Variants in RASAL2 observed in about 807,000 individuals in gnomAD.
RASAL2 encodes the protein RAS protein activator like 2.
RASAL2 carries 58 observed loss-of-function variants against 128.9 expected under a neutral mutation model. The ratio of observed to expected loss-of-function variants is 0.45; its 90% CI spans 0.36 to 0.56. RASAL2 has a LOEUF of 0.56. Among genes scored for constraint, RASAL2 ranks in the 20% least tolerant of loss-of-function variants. The pLI, the probability that RASAL2 is intolerant of heterozygous loss-of-function variation, is 0.00. For synonymous variants in RASAL2, 561 were observed against 580.8 expected (o/e 0.97, Z 0.49); for missense variants, 1,360 against 1,601.6 (o/e 0.85, Z 2.57).
intron 1 of RASAL2, among the ~76,000 whole-genome samples, chr1:178,185,910 A>G: frequency 6.6e-6 from 1 of 152,234 alleles, no homozygotes; most frequent in South Asian, 2.1e-4. Context: ...AGATTGAATT[A>G]GGAGTGTTCC....
intron 3 of RASAL2, among the ~76,000 whole-genome samples, chr1:178,312,238 C>T (rs1424036248): frequency 6.6e-6 from 1 of 152,082 alleles, no homozygotes; most frequent in Non-Finnish European, 1.5e-5. Flanking sequence ...CATGACAAGT[C>T]ACATTTCATG....
chr1:178,414,149 A>G (rs1181717120), intron 4 of RASAL2, among the ~76,000 whole-genome samples: 2 of 152,222 alleles, frequency 1.3e-5, no homozygotes, highest in African/African-American at 4.8e-5. Flanking sequence ...AAAATATCCT[A>G]AATTGAAAAG....
In RASAL2 at chr1:178,463,314, T is replaced by C. The variant is rs932524506; in HGVS notation, c.3253-964T>C. 2.6e-5 allele frequency among the ~76,000 whole-genome samples: 4 copies of C among 152,230 alleles called. No individual in the cohort carries two copies. The South Asian group carries it at 6.2e-4, about 24-fold the overall frequency. On this transcript the variant is annotated intron_variant, in intron 14 of 17. Coordinates refer to ENST00000367649, the MANE Select transcript of RASAL2 (RefSeq NM_170692.4). ...AAAATTGTGTGTTTCCATCATTGTT[T>C]GTGGAGAAAGCACTAATGTTCAATA...
chr1:178,322,982 A>T (rs1446368613), intron 3 of RASAL2, among the ~76,000 whole-genome samples: 1 of 152,220 alleles, frequency 6.6e-6, no homozygotes, highest in Non-Finnish European at 1.5e-5. Context: ...ATAAACCTGG[A>T]ATATCTTGCT....
chr1:178,238,524 A>G (rs1239573189), intron 1 of RASAL2, among the ~76,000 whole-genome samples: 1 of 152,066 alleles, frequency 6.6e-6, no homozygotes, highest in African/African-American at 2.4e-5. Flanking sequence ...TGTTATCTGA[A>G]CATGTAATGG....
chr1:178,417,166 T>C (rs1449310268), intron 4 of RASAL2, among the ~76,000 whole-genome samples: 1 of 152,154 alleles, frequency 6.6e-6, no homozygotes, highest in East Asian at 1.9e-4. Flanking sequence ...TCCTGTAGTC[T>C]TTGGATATTC....
intron 1 of RASAL2, among the ~76,000 whole-genome samples, chr1:178,101,766 C>T (rs1658908815): frequency 6.6e-6 from 1 of 152,176 alleles, no homozygotes; most frequent in Non-Finnish European, 1.5e-5. Flanking sequence ...AACTCTTAAC[C>T]TCAGATTCCT....
intron 1 of RASAL2, among the ~76,000 whole-genome samples, chr1:178,175,515 TTTAC>T (rs1661856303): frequency 6.6e-6 from 1 of 151,770 alleles, no homozygotes; most frequent in Non-Finnish European, 1.5e-5. Context: ...ACTTATTTAA[TTTAC>T]TTAATTTACT....
intron 4 of RASAL2, among the ~76,000 whole-genome samples, chr1:178,390,477 T>G (rs750603457): frequency 6.6e-6 from 1 of 152,086 alleles, no homozygotes; most frequent in Non-Finnish European, 1.5e-5. Flanking sequence ...CTCCCGAGTT[T>G]AGGCGATTCT....
At chr1:178,257,690 C>T (rs192860392) in intron 1 of RASAL2, among the ~76,000 whole-genome samples, 93 of 151,720 alleles carry the variant, frequency 6.1e-4, no homozygotes, top group Non-Finnish European at 1.1e-3. Flanking sequence ...ACCAAAAATA[C>T]AAAAAATTAG....
At chr1:178,272,156 C>G (rs2102175792) in intron 1 of RASAL2, among the ~76,000 whole-genome samples, 1 of 152,242 alleles carries the variant, frequency 6.6e-6, no homozygotes, top group Middle Eastern at 3.4e-3. Context: ...TTCCACAAGT[C>G]CAGTCACTAG....
intron 1 of RASAL2, among the ~76,000 whole-genome samples, chr1:178,159,487 A>G (rs1052514692): frequency 9.2e-5 from 14 of 152,216 alleles, no homozygotes; most frequent in Non-Finnish European, 1.8e-4. Flanking sequence ...AGAAAATAAA[A>G]TAAAACAAAA....
intron 1 of RASAL2, among the ~76,000 whole-genome samples, chr1:178,096,666 TGTGACACACA>T (rs2102209569): frequency 6.6e-6 from 1 of 152,134 alleles, no homozygotes; most frequent in Non-Finnish European, 1.5e-5. Context: ...TGTATATGTG[TGTGACACACA>T]CATATACATA....
In RASAL2 at chr1:178,341,605, C is replaced by T. The variant is rs940230106; in HGVS notation, c.457+41487C>T. The T allele has an allele frequency of 7.4e-6, 12 of 1,613,752 alleles. No individual in the cohort carries two copies. The East Asian group carries it at 2.7e-4, about 36-fold the overall frequency. ...CCAGAAACTTCACACGATGCAGACC[C>T]CAGGTAAGAGTTTGTAGAGTCTGAG... On this transcript the variant is annotated intron_variant, in intron 3 of 17. Transcript: ENST00000367649.
intron 3 of RASAL2, among the ~76,000 whole-genome samples, chr1:178,381,338 C>T (rs920510514): frequency 6.6e-6 from 1 of 152,028 alleles, no homozygotes; most frequent in Non-Finnish European, 1.5e-5. Context: ...ATAAAAAGCC[C>T]TAGATTAGGA....
intron 1 of RASAL2, among the ~76,000 whole-genome samples, chr1:178,130,910 C>G (rs316264): frequency 0.68 from 103,865 of 151,670 alleles, 37,888 homozygotes; most frequent in East Asian, 0.81. Flanking sequence ...AAAAATTAGC[C>G]GGGCGCGGTG....
intron 1 of RASAL2, among the ~76,000 whole-genome samples, chr1:178,127,290 T>A (rs1033141576): frequency 1.3e-5 from 2 of 152,184 alleles, no homozygotes; most frequent in Non-Finnish European, 2.9e-5. Flanking sequence ...CGAATTATTC[T>A]TGAGTTTTAG....
At chr1:178,111,334 C>G (rs1659315469) in intron 1 of RASAL2, among the ~76,000 whole-genome samples, 1 of 152,190 alleles carries the variant, frequency 6.6e-6, no homozygotes. Flanking sequence ...ATCTCAAACT[C>G]CTGGGCTCAA....
At chr1:178,426,337 T>C (rs994489107) in intron 5 of RASAL2, among the ~76,000 whole-genome samples, 1 of 152,096 alleles carries the variant, frequency 6.6e-6, no homozygotes, top group Non-Finnish European at 1.5e-5. Context: ...TACTGGTACA[T>C]GTTGCAATGT....
Sources: allele counts gnomAD v4.1 joint callset (sites outside exome capture counted in the v4.1 genomes callset), GRCh38; gene constraint gnomAD v4.1.1; transcripts MANE v1.5; gene names NCBI Gene and HGNC (gene_info 2026-07-23, HGNC 2026-07-21).